CPLX2: variants seen among roughly 807,000 people sequenced by gnomAD.
CPLX2 encodes complexin 2.
A neutral mutation model predicts 16.3 loss-of-function variants in CPLX2; 5 were observed. The ratio of observed to expected loss-of-function variants is 0.31; its 90% CI spans 0.16 to 0.64. The LOEUF is 0.64. Ranked by LOEUF, CPLX2 falls within the 30% of genes least tolerant of loss-of-function variation. CPLX2 has a pLI of 0.79. For synonymous variants in CPLX2, 89 were observed against 73.2 expected (o/e 1.22, Z -1.10); for missense variants, 144 against 181.4 (o/e 0.79, Z 1.18).
Position 175,880,022 on chromosome 5 carries a change from C to T in CPLX2, c.382C>T (p.Leu128=), listed in dbSNP as rs956440635. The T allele has an allele frequency of 1.2e-6, 2 of 1,613,392 alleles. No individual in the cohort carries two copies. The highest frequency in any genetic ancestry group is 1.3e-5 in the African/African-American group (1 of 74,934). ...GGTGCTCAAATACCTGCCCGGGCCGCTGCAGGACATGTTCAAGAAGTAACC... is the reference window on the plus strand; with the variant it reads ...GGTGCTCAAATACCTGCCCGGGCCGTTGCAGGACATGTTCAAGAAGTAACC... The part of the protein sequence containing the change: ...DTVLKYLPGP[L]QDMFKK The change falls in exon 4 of 4, where the codon CTG becomes TTG. Residue 128 remains leucine (L), a synonymous_variant. Transcript: ENST00000393745.
At chr5:175,864,793 C>T (rs1759435312) in intron 2 of CPLX2, among the ~76,000 whole-genome samples, 1 of 152,062 alleles carries the variant, frequency 6.6e-6, no homozygotes, top group African/African-American at 2.4e-5. Flanking sequence ...TCCGTAATGT[C>T]CCTAAAGCAA....
intron 1 of CPLX2, among the ~76,000 whole-genome samples, chr5:175,802,428 T>C (rs952689855): frequency 7.2e-5 from 11 of 152,190 alleles, no homozygotes; most frequent in African/African-American, 2.2e-4. Flanking sequence ...AGTGTGGTAA[T>C]TGCCAATGCG....
chr5:175,875,058 T>C (rs1167836158), intron 1 of CPLX2, among the ~76,000 whole-genome samples: 1 of 151,992 alleles, frequency 6.6e-6, no homozygotes, highest in Non-Finnish European at 1.5e-5. Context: ...AATCTGGCAA[T>C]GGGAAAGCCT....
intron 2 of CPLX2, among the ~76,000 whole-genome samples, chr5:175,866,548 G>C (rs531494747): frequency 2.0e-5 from 3 of 150,378 alleles, no homozygotes; most frequent in African/African-American, 7.3e-5. Context: ...GCTGGGAGAC[G>C]ACTGCTTTGA....
At chr5:175,800,450 A>C (rs1424270893) in intron 1 of CPLX2, among the ~76,000 whole-genome samples, 5 of 150,752 alleles carry the variant, frequency 3.3e-5, no homozygotes. Context: ...ATGCCACTGC[A>C]CTCCAGCCTG....
Position 175,865,221 on chromosome 5 carries a change from C to T in CPLX2, c.-88-13431C>T, listed in dbSNP as rs80107481. On this transcript the variant is annotated intron_variant, in intron 2 of 4. Transcript: ENST00000359546. ...TTAACCTCTGTTGTCCATGTTCAAC[C>T]AATATCCTTGCTTTAACAAGACAGC... Among the ~76,000 whole-genome samples the T allele has an allele frequency of 3.4e-3, 523 of 152,282 alleles. 5 individuals are homozygous for T. Among genetic ancestry groups the T allele is most frequent in the African/African-American group, 0.012 (508 of 41,546 alleles).
intron 2 of CPLX2, among the ~76,000 whole-genome samples, chr5:175,832,913 G>A (rs1021311491): frequency 5.3e-5 from 8 of 152,134 alleles, no homozygotes; most frequent in Non-Finnish European, 1.2e-4. Flanking sequence ...CCAGCACTTC[G>A]GGAGGCCGAG....
intron 2 of CPLX2, among the ~76,000 whole-genome samples, chr5:175,863,245 G>A (rs1455382179): frequency 6.6e-6 from 1 of 152,184 alleles, no homozygotes; most frequent in African/African-American, 2.4e-5. Flanking sequence ...ATCAGCCCAT[G>A]GTGAGGTCGC....
chr5:175,812,757 A>C (rs923515543), intron 2 of CPLX2, among the ~76,000 whole-genome samples: 1 of 152,098 alleles, frequency 6.6e-6, no homozygotes, highest in Non-Finnish European at 1.5e-5. Context: ...CCATTATGGG[A>C]TGGGTTTGGG....
intron 2 of CPLX2, among the ~76,000 whole-genome samples, chr5:175,819,885 GAATAGA>G (rs1445380218): frequency 6.6e-6 from 1 of 152,230 alleles, no homozygotes; most frequent in African/African-American, 2.4e-5. Flanking sequence ...GCCCAGGGAG[GAATAGA>G]ACAGAAGGGA....
chr5:175,871,445 G>GAGAGAA (rs1561790397), upstream of CPLX2: 115 of 101,616 alleles, frequency 1.1e-3, 3 homozygotes, highest in African/African-American at 3.5e-3. Context: ...GAGAGAGAGA[G>GAGAGAA]AGAGAGAGAG....
chr5:175,879,251 A>G (rs4077872), intron 3 of CPLX2, among the ~76,000 whole-genome samples, 168 bp downstream of exon 3: 2,595 of 152,298 alleles, frequency 0.017, 74 homozygotes, highest in African/African-American at 0.059. Flanking sequence ...ACCTCCCTCA[A>G]GGGATCCTTT....
intron 2 of CPLX2, among the ~76,000 whole-genome samples, chr5:175,834,853 G>A (rs10476171): frequency 0.25 from 38,126 of 152,058 alleles, 5,681 homozygotes; most frequent in African/African-American, 0.4. Context: ...CAGCCTGGGC[G>A]ACAGAGCGAG....
intron 2 of CPLX2, among the ~76,000 whole-genome samples, chr5:175,858,699 C>A (rs776318054): frequency 6.6e-6 from 1 of 152,218 alleles, no homozygotes; most frequent in African/African-American, 2.4e-5. Flanking sequence ...AAGGATCTTG[C>A]GAAGTTATAG....
intron 1 of CPLX2, among the ~76,000 whole-genome samples, chr5:175,803,758 G>T (rs1420689723): frequency 1.3e-5 from 2 of 152,214 alleles, no homozygotes; most frequent in African/African-American, 4.8e-5. Context: ...GGGTGGATGG[G>T]GTGAAGCCCA....
At chr5:175,803,825 G>C (rs1392826801) in intron 1 of CPLX2, among the ~76,000 whole-genome samples, 1 of 152,238 alleles carries the variant, frequency 6.6e-6, no homozygotes, top group Non-Finnish European at 1.5e-5. Flanking sequence ...GCCATCTCTA[G>C]AGCAGGTCAG....
intron 1 of CPLX2, among the ~76,000 whole-genome samples, chr5:175,805,936 T>A (rs748411027): frequency 1.3e-5 from 2 of 152,122 alleles, no homozygotes; most frequent in African/African-American, 4.8e-5. Flanking sequence ...CCACACCTCA[T>A]CAAGCCCTGA....
chr5:175,797,676 G>A (rs144106783), intron 1 of CPLX2, among the ~76,000 whole-genome samples: 2 of 152,076 alleles, frequency 1.3e-5, no homozygotes, highest in South Asian at 2.1e-4. Context: ...CCTCACGAAC[G>A]GGACAGCTCC....
chr5:175,858,528 G>T (rs991143465), intron 2 of CPLX2, among the ~76,000 whole-genome samples: 3 of 152,212 alleles, frequency 2.0e-5, no homozygotes, highest in Admixed American at 2.0e-4. Flanking sequence ...CTCAGCCCCC[G>T]GGGGCCAGTG....
Sources: allele counts gnomAD v4.1 joint callset (sites outside exome capture counted in the v4.1 genomes callset), GRCh38; gene constraint gnomAD v4.1.1; transcripts MANE v1.5; gene names NCBI Gene and HGNC (gene_info 2026-07-23, HGNC 2026-07-21).